The following TPO variants were observed in gnomAD, a reference collection of about 807,000 sequenced individuals.
The protein encoded by TPO is thyroid microsomal antigen.
A neutral mutation model predicts 96.9 loss-of-function variants in TPO; 78 were observed. That is an observed-to-expected ratio of 0.81 (90% CI 0.67 to 0.97). TPO has a LOEUF of 0.97. TPO is among the 50% of genes least tolerant of loss of function. The pLI is 0.00. For synonymous variants in TPO, 547 were observed against 538.0 expected, an observed-to-expected ratio of 1.02 and a Z score of -0.23; for missense variants, 1,252 against 1,274.8, an observed-to-expected ratio of 0.98 and a Z score of 0.27.
intron 14 of TPO, among the ~76,000 whole-genome samples, chr2:1,505,505 C>CT (rs1673343897): frequency 1.5e-5 from 1 of 65,734 alleles, no homozygotes. Flanking sequence ...AGGCACACCC[C>CT]CACCACCATC....
intron 7 of TPO, among the ~76,000 whole-genome samples, chr2:1,476,073 A>G (rs1180382718): frequency 1.3e-5 from 2 of 152,222 alleles, no homozygotes; most frequent in African/African-American, 2.4e-5. Context: ...TCCCTAATGC[A>G]GCCCAGGTCT....
At chr2:1,472,778 A>T (rs1244408164) in intron 7 of TPO, among the ~76,000 whole-genome samples, 1 of 138,340 alleles carries the variant, frequency 7.2e-6, no homozygotes, top group African/African-American at 2.8e-5. Context: ...CGCCATCCAC[A>T]CTGGCAACAG....
intron 2 of TPO, among the ~76,000 whole-genome samples, chr2:1,420,336 A>G (rs1463302167): frequency 1.3e-5 from 2 of 152,202 alleles, no homozygotes; most frequent in Admixed American, 1.3e-4. Flanking sequence ...AATAATTGTC[A>G]AGTGCCTGCT....
At chr2:1,463,396 T>C (rs1186555619) in intron 7 of TPO, among the ~76,000 whole-genome samples, 7 of 152,144 alleles carry the variant, frequency 4.6e-5, no homozygotes, top group Non-Finnish European at 1.0e-4. Flanking sequence ...TCCTTTACAC[T>C]CAAAGCATCC....
intron 3 of TPO, among the ~76,000 whole-genome samples, chr2:1,432,754 G>A: frequency 9.3e-6 from 1 of 107,502 alleles, no homozygotes; most frequent in Admixed American, 1.1e-4. Flanking sequence ...AGGCCTGCAG[G>A]TGAGGAGAGG....
chr2:1,475,625 G>C (rs576303916), intron 7 of TPO, among the ~76,000 whole-genome samples: 2 of 151,986 alleles, frequency 1.3e-5, no homozygotes, highest in African/African-American at 4.8e-5. Flanking sequence ...GGGTTTCACT[G>C]TGTTAGCCAG....
intron 1 of TPO, among the ~76,000 whole-genome samples, chr2:1,401,284 G>A (rs942446190): frequency 2.6e-5 from 4 of 152,216 alleles, no homozygotes; most frequent in African/African-American, 9.7e-5. Flanking sequence ...GGCAGCACTC[G>A]GAAACAGAGG....
intron 1 of TPO, among the ~76,000 whole-genome samples, chr2:1,384,890 A>G (rs1193330144): frequency 6.6e-6 from 1 of 152,214 alleles, no homozygotes; most frequent in Non-Finnish European, 1.5e-5. Flanking sequence ...CATCCCATCA[A>G]TACCTAATTT....
chr2:1,423,039 C>T lies in TPO; in HGVS notation c.95-6C>T, dbSNP rs764544676. 2 of 1,614,020 alleles carry T rather than the reference C, an allele frequency of 1.2e-6. No individual in the cohort carries two copies. The highest frequency in any genetic ancestry group is 1.7e-5 in the Admixed American group (1 of 60,030). ...CGCTTTGACTGTGTGACATTCTGTT[C>T]CGTAGGAAAGCCTGAGGAGTCTCGT... is the stretch of plus-strand genomic sequence containing the variant. On this transcript the variant is annotated splice_polypyrimidine_tract_variant and splice_region_variant and intron_variant, in intron 2 of 16. Coordinates refer to ENST00000329066, the MANE Select transcript of TPO (RefSeq NM_001206744.2).
chr2:1,511,646 C>G (rs537277558), intron 14 of TPO, among the ~76,000 whole-genome samples: 1 of 152,346 alleles, frequency 6.6e-6, no homozygotes, highest in East Asian at 1.9e-4. Flanking sequence ...GCAGATACCA[C>G]CTTCTCCCCA....
rs370173270 is a variant in TPO at position 1,540,641 on chromosome 2, G to C, written c.2666G>C (p.Gly889Ala). Residue 889 changes from glycine (G) to alanine (A), a missense_variant, in exon 16 of 17, where the codon GGA becomes GCA. Physicochemically the swap from Gly to Ala is moderately conservative, Grantham distance 60. Coordinates refer to ENST00000329066, the MANE Select transcript of TPO (RefSeq NM_001206744.2). Reference protein sequence around the residue: ...KSTLPISETGGGTPELRCGKH... With the variant: ...KSTLPISETGAGTPELRCGKH... The stretch of plus-strand genomic sequence containing the variant: ...ACACTGCCCATCTCGGAGACAGGCG[G>C]AGGAACTCCCGAGCTGAGATGCGGA... The C allele has an allele frequency of 5.0e-6, 8 of 1,613,452 alleles. No individual in the cohort carries two copies. Among genetic ancestry groups the C allele is most frequent in the Non-Finnish European group, 6.8e-6 (8 of 1,180,020 alleles).
rs146738182 is a variant in TPO at position 1,518,880 on chromosome 2, C to T, written c.2618+1898C>T. Among the ~76,000 whole-genome samples the T allele has an allele frequency of 2.4e-4, 36 of 152,322 alleles. No homozygotes were observed. The East Asian group carries it at 3.1e-3, about 13-fold the overall frequency. On this transcript the variant is annotated intron_variant, in intron 15 of 16. Transcript: ENST00000329066. ...TATCCTGACCTTTAGGACCTCAGAACGTAACCTTATTTGGAACTAAGGTCT... is the reference window on the plus strand; with the variant it reads ...TATCCTGACCTTTAGGACCTCAGAATGTAACCTTATTTGGAACTAAGGTCT...
At chr2:1,524,874 A>G (rs1387152071) in intron 15 of TPO, among the ~76,000 whole-genome samples, 1 of 108,726 alleles carries the variant, frequency 9.2e-6, no homozygotes. Flanking sequence ...CTGTGATGTA[A>G]CCTCCTCAAA....
intron 15 of TPO, among the ~76,000 whole-genome samples, chr2:1,529,007 A>C (rs1240184013): frequency 9.4e-6 from 1 of 106,926 alleles, no homozygotes; most frequent in Middle Eastern, 8.3e-3. Flanking sequence ...CCCCACTGTG[A>C]GTAACCTCCT....
At position 1,487,833 on chromosome 2, in the gene TPO, C is replaced by T. The variant is rs1489453119; in HGVS notation, c.1610C>T (p.Pro537Leu). 6.2e-7 allele frequency: 1 copy of T among 1,614,222 alleles called. No homozygotes were observed. Among genetic ancestry groups the T allele is most frequent in the East Asian group, 2.2e-5 (1 of 44,880 alleles). ...WTLLRGGGLD[P>L]LIRGLLARPA... The stretch of plus-strand genomic sequence containing the variant: ...TGGTATTTTCCAGGTGGTTTGGACC[C>T]ACTAATACGAGGCCTTCTTGCAAGA... Residue 537 changes from proline to leucine, a missense_variant, in exon 10 of 17, where the codon CCA becomes CTA. Coordinates refer to ENST00000329066, the MANE Select transcript of TPO (RefSeq NM_001206744.2).
At chr2:1,395,291 C>G (rs1044452882) in intron 1 of TPO, among the ~76,000 whole-genome samples, 1 of 152,188 alleles carries the variant, frequency 6.6e-6, no homozygotes, top group Admixed American at 6.5e-5. Flanking sequence ...CCAAGCAGAA[C>G]AGCTCTGACA....
intron 15 of TPO, among the ~76,000 whole-genome samples, chr2:1,535,370 A>AATT: frequency 2.1e-5 from 1 of 47,276 alleles, no homozygotes; most frequent in Non-Finnish European, 3.9e-5. Flanking sequence ...CACTGTGTGC[A>AATT]ACCTCCTCAA....
chr2:1,525,441 A>ATC (rs1676220935), intron 15 of TPO, among the ~76,000 whole-genome samples: 1 of 15,848 alleles, frequency 6.3e-5, no homozygotes, highest in Non-Finnish European at 1.2e-4. Flanking sequence ...CCTCCCCAAA[A>ATC]CCCCCCACTG....
At chr2:1,467,229 G>A (rs1315356433) in intron 7 of TPO, among the ~76,000 whole-genome samples, 4 of 151,818 alleles carry the variant, frequency 2.6e-5, no homozygotes, top group Non-Finnish European at 4.4e-5. Context: ...TCAGGATCCC[G>A]AGTAGCTGGG....
Sources: allele counts gnomAD v4.1 joint callset (sites outside exome capture counted in the v4.1 genomes callset), GRCh38; gene constraint gnomAD v4.1.1; transcripts MANE v1.5; gene names NCBI Gene and HGNC (gene_info 2026-07-23, HGNC 2026-07-21).